Variants in ZNF516 observed in about 807,000 individuals in gnomAD.
ZNF516 encodes the protein zinc finger protein 516.
A neutral mutation model predicts 79.7 loss-of-function variants in ZNF516; 19 were observed. The ratio of observed to expected loss-of-function variants is 0.24; its 90% CI spans 0.17 to 0.35. The LOEUF (loss-of-function observed/expected upper bound fraction) is 0.35, where lower values mean the gene tolerates loss of function less well. Ranked by LOEUF, ZNF516 falls within the 10% of genes least tolerant of loss-of-function variation. The probability of loss-of-function intolerance (pLI) is 1.00; values close to 1 mark genes in which losing one functional copy is unlikely to be tolerated. For missense variants in ZNF516, 1,678 were observed against 1,679.5 expected, an observed-to-expected ratio of 1.00 and a Z score of 0.02; for synonymous variants, 877 against 739.5, an observed-to-expected ratio of 1.19 and a Z score of -3.02.
chr18:76,490,840 AG>A (rs1367840711), intron 1 of ZNF516: 3 of 985,320 alleles, frequency 3.0e-6, no homozygotes, highest in Non-Finnish European at 3.6e-6. Flanking sequence ...TTTGTTACGC[AG>A]GGGACACCCC....
chr18:76,376,213 C>T (rs898051341), intron 4 of ZNF516, among the ~76,000 whole-genome samples: 4 of 152,206 alleles, frequency 2.6e-5, no homozygotes, highest in African/African-American at 7.2e-5. Flanking sequence ...GCCCCCTCAC[C>T]GGAGGCGTCC....
intron 3 of ZNF516, among the ~76,000 whole-genome samples, chr18:76,426,368 CCA>C (rs1204175108): frequency 3.3e-5 from 5 of 152,174 alleles, no homozygotes; most frequent in Non-Finnish European, 7.3e-5. Context: ...GACATTTCCC[CCA>C]TGCATTAAAA....
intron 2 of ZNF516, among the ~76,000 whole-genome samples, chr18:76,447,022 CAA>C (rs748689179): frequency 4.6e-5 from 7 of 152,310 alleles, no homozygotes; most frequent in Non-Finnish European, 8.8e-5. Context: ...AGTTGACTAG[CAA>C]AGTTTCTCAA....
intron 3 of ZNF516, among the ~76,000 whole-genome samples, chr18:76,431,977 C>T (rs1431582609): frequency 6.6e-6 from 1 of 152,230 alleles, no homozygotes; most frequent in African/African-American, 2.4e-5. Flanking sequence ...ACTGCCCTGG[C>T]GGGAACAGGA....
At chr18:76,461,919 C>A (rs931292310) in intron 2 of ZNF516, among the ~76,000 whole-genome samples, 3 of 152,224 alleles carry the variant, frequency 2.0e-5, no homozygotes, top group African/African-American at 7.2e-5. Context: ...GGCGTCCAGC[C>A]CTGCAGGCGT....
At position 76,360,621 on chromosome 18, in the gene ZNF516, A is replaced by C. The variant is rs1409438525; in HGVS notation, c.*1877T>G. On this transcript the variant is annotated 3_prime_UTR_variant, in exon 7 of 7. Coordinates refer to ENST00000443185, the MANE Select transcript of ZNF516 (RefSeq NM_014643.4). ...TACATATCTGGTGTAAGAATATCAG[A>C]AAAAAATAAGTAAAAAAAAAAAAAA... 8.3e-6 allele frequency: 1 copy of C among 120,990 alleles called. No individual in the cohort carries two copies. The highest frequency in any genetic ancestry group is 3.1e-5 in the African/African-American group (1 of 32,156). 7.5% of individuals were successfully genotyped at this position (120,990 alleles called of 1,614,324 possible). A position where few individuals can be genotyped will look rare whatever the true frequency, so the allele number is the denominator to read the frequency against.
intron 1 of ZNF516, chr18:76,491,669 C>A: frequency 1.7e-6 from 1 of 605,292 alleles, no homozygotes; most frequent in Non-Finnish European, 2.1e-6. Flanking sequence ...GCGGCCACCG[C>A]CCCCACCCCG....
At chr18:76,365,105 C>T (rs2074594304) in intron 6 of ZNF516, among the ~76,000 whole-genome samples, 3 of 152,176 alleles carry the variant, frequency 2.0e-5, no homozygotes, top group African/African-American at 7.2e-5. Context: ...CCATCATTTG[C>T]ATTATAATAG....
At chr18:76,399,658 C>T (rs902613905) in intron 3 of ZNF516, among the ~76,000 whole-genome samples, 3 of 152,230 alleles carry the variant, frequency 2.0e-5, no homozygotes, top group African/African-American at 4.8e-5. Flanking sequence ...AGGAAAACAG[C>T]ACCTAAGTTG....
chr18:76,399,401 G>T (rs1283901099), intron 3 of ZNF516, among the ~76,000 whole-genome samples: 1 of 152,120 alleles, frequency 6.6e-6, no homozygotes, highest in Non-Finnish European at 1.5e-5. Flanking sequence ...TTTGCATTTT[G>T]GCATAGACGG....
chr18:76,443,909 T>C (rs1911883664), intron 2 of ZNF516, among the ~76,000 whole-genome samples: 1 of 152,168 alleles, frequency 6.6e-6, no homozygotes, highest in South Asian at 2.1e-4. Context: ...CCACCCTGCA[T>C]GGCCGCCACC....
At chr18:76,492,612 C>T (rs531447233) in intron 1 of ZNF516, 7 of 623,854 alleles carry the variant, frequency 1.1e-5, no homozygotes, top group South Asian at 7.0e-5. Flanking sequence ...TCGCTTTGCC[C>T]GGGCGAGTGG....
intron 3 of ZNF516, among the ~76,000 whole-genome samples, chr18:76,383,444 C>T (rs2074926802): frequency 6.9e-6 from 1 of 145,522 alleles, no homozygotes; most frequent in African/African-American, 2.6e-5. Flanking sequence ...CAGCCAGGGA[C>T]CCAGGACCCT....
rs574917742 is a variant in ZNF516, at chr18:76,466,976, G to A, written c.-271-3835C>T. Among the ~76,000 whole-genome samples, 17 of 152,318 alleles carry A rather than the reference G, an allele frequency of 1.1e-4. 1 individual carries two copies. The South Asian group carries it at 3.5e-3, about 32-fold the overall frequency. On this transcript the variant is annotated intron_variant, in intron 1 of 6. Transcript: ENST00000443185. ...CAGCCTCACAGGGAAGGACCACCCAGAGGTGCAGGCAAAGGGCCCTGGGAG... is the reference window on the plus strand; with the variant it reads ...CAGCCTCACAGGGAAGGACCACCCAAAGGTGCAGGCAAAGGGCCCTGGGAG...
At chr18:76,470,850 T>A (rs1176092409) in intron 1 of ZNF516, among the ~76,000 whole-genome samples, 1 of 152,024 alleles carries the variant, frequency 6.6e-6, no homozygotes, top group Non-Finnish European at 1.5e-5. Context: ...CCGTCTCTAC[T>A]AAAAAATGCA....
At chr18:76,472,148 C>T (rs530352174) in intron 1 of ZNF516, among the ~76,000 whole-genome samples, 20 of 152,200 alleles carry the variant, frequency 1.3e-4, no homozygotes, top group Non-Finnish European at 2.2e-4. Context: ...CCTTGGTCAG[C>T]GTCCCTGGCC....
intron 3 of ZNF516, among the ~76,000 whole-genome samples, chr18:76,411,768 G>A (rs901981740): frequency 6.6e-6 from 1 of 152,160 alleles, no homozygotes; most frequent in African/African-American, 2.4e-5. Context: ...AAAATGAGGA[G>A]GTGGATGGGA....
intron 1 of ZNF516, among the ~76,000 whole-genome samples, chr18:76,473,514 G>C (rs1446399975): frequency 5.9e-5 from 9 of 152,108 alleles, no homozygotes; most frequent in African/African-American, 4.8e-5. Context: ...TTAAACAAAA[G>C]TAGTTGGCTG....
chr18:76,435,513 T>C (rs1288694398), intron 3 of ZNF516, among the ~76,000 whole-genome samples: 2 of 152,232 alleles, frequency 1.3e-5, no homozygotes, highest in African/African-American at 4.8e-5. Context: ...CGTGTTCATG[T>C]GTGCGGGAGC....
Sources: allele counts gnomAD v4.1 joint callset (sites outside exome capture counted in the v4.1 genomes callset), GRCh38; gene constraint gnomAD v4.1.1; transcripts MANE v1.5; gene names NCBI Gene and HGNC (gene_info 2026-07-23, HGNC 2026-07-21).